The following NRP2 variants were observed in gnomAD, a reference collection of about 807,000 sequenced individuals.
NRP2 encodes neuropilin-2.
A neutral mutation model predicts 110.4 loss-of-function variants in NRP2; 52 were observed. That is an observed-to-expected ratio of 0.47 (90% CI 0.38 to 0.59). The LOEUF (loss-of-function observed/expected upper bound fraction) is 0.59. NRP2 is among the 20% of genes least tolerant of loss of function. The pLI is 0.00. For synonymous variants in NRP2, 508 were observed against 468.9 expected (o/e 1.08, Z -1.08); for missense variants, 1,049 against 1,203.0 (o/e 0.87, Z 1.89).
At chr2:205,760,143 A>T (rs1472272156) in intron 12 of NRP2, among the ~76,000 whole-genome samples, 1 of 152,180 alleles carries the variant, frequency 6.6e-6, no homozygotes, top group African/African-American at 2.4e-5. Flanking sequence ...ACATCAGGGG[A>T]GGCAGGTAAA....
chr2:205,762,222 T>A (rs116494480), intron 12 of NRP2: 2,181 of 152,328 alleles, frequency 0.014, 25 homozygotes, highest in Non-Finnish European at 0.024. Context: ...TAAACTGGTC[T>A]CATTTGACTT....
At chr2:205,775,779 G>A (rs530281718) in intron 15 of NRP2, among the ~76,000 whole-genome samples, 1 of 152,270 alleles carries the variant, frequency 6.6e-6, no homozygotes, top group Non-Finnish European at 1.5e-5. Context: ...ACTGAATCCC[G>A]GAAGTCATGT....
In NRP2 at chr2:205,706,081, C is replaced by T. The variant is rs539600563; in HGVS notation, c.251+8360C>T. On this transcript the variant is annotated intron_variant, in intron 2 of 16. Transcript: ENST00000357785. ...TACTCCCCCAATCCCCCCACAGCCCCGCTCACCATCCTCTTCAAATTCCCT... is the reference window on the plus strand; with the variant it reads ...TACTCCCCCAATCCCCCCACAGCCCTGCTCACCATCCTCTTCAAATTCCCT... Among the ~76,000 whole-genome samples the T allele has an allele frequency of 2.0e-4, 30 of 152,086 alleles. No individual in the cohort carries two copies. The South Asian group carries it at 2.7e-3, about 14-fold the overall frequency.
Position 205,797,107 on chromosome 2 carries a change from T to C in NRP2, c.*2049T>C, listed in dbSNP as rs1443510740. Reference sequence around the variant, plus strand: ...GGTCATGTGGGACTCAGTGGTGGTGTTGTGACTTTGACCTAGGGTCCGAGT... The same window carrying C: ...GGTCATGTGGGACTCAGTGGTGGTGCTGTGACTTTGACCTAGGGTCCGAGT... On this transcript the variant is annotated 3_prime_UTR_variant, in exon 17 of 17. Coordinates refer to ENST00000357785, the MANE Select transcript of NRP2 (RefSeq NM_003872.3). The C allele has an allele frequency of 6.6e-6, 1 of 152,670 alleles. No homozygotes were observed. The highest frequency in any genetic ancestry group is 1.5e-5 in the Non-Finnish European group (1 of 68,082). 9.5% of individuals were successfully genotyped at this position (152,670 alleles called of 1,614,324 possible). A position where few individuals can be genotyped will look rare whatever the true frequency, so the allele number is the denominator to read the frequency against.
At chr2:205,729,453 G>A (rs1478113690) in intron 7 of NRP2, among the ~76,000 whole-genome samples, 1 of 152,248 alleles carries the variant, frequency 6.6e-6, no homozygotes, top group African/African-American at 2.4e-5. Context: ...GGTGCCAGGA[G>A]CTTGGGGGCT....
chr2:205,715,221 A>G (rs2056870749), intron 2 of NRP2, among the ~76,000 whole-genome samples: 1 of 152,196 alleles, frequency 6.6e-6, no homozygotes, highest in Non-Finnish European at 1.5e-5. Flanking sequence ...GCCAGAGCAC[A>G]TACCGGGGCT....
At chr2:205,700,148 T>G (rs1045753055) in intron 2 of NRP2, among the ~76,000 whole-genome samples, 4 of 152,238 alleles carry the variant, frequency 2.6e-5, no homozygotes, top group Non-Finnish European at 5.9e-5. Context: ...ACAATTAATC[T>G]AATTGAAGTC....
chr2:205,753,808 T>G (rs1404754234), intron 12 of NRP2, among the ~76,000 whole-genome samples: 1 of 152,190 alleles, frequency 6.6e-6, no homozygotes, highest in African/African-American at 2.4e-5. Context: ...CAACACAACA[T>G]CAATGGAGAT....
At chr2:205,740,695 C>T in intron 8 of NRP2, 32 bp downstream of exon 8, 1 of 1,612,692 alleles carries the variant, frequency 6.2e-7, no homozygotes, top group South Asian at 1.1e-5. Flanking sequence ...GGTTGGGGTG[C>T]TGATTGAGCC....
At chr2:205,710,063 A>G (rs1000763218) in intron 2 of NRP2, among the ~76,000 whole-genome samples, 1 of 152,108 alleles carries the variant, frequency 6.6e-6, no homozygotes, top group Non-Finnish European at 1.5e-5. Flanking sequence ...AAACAGAACA[A>G]CTCAAAAGAG....
At chr2:205,779,890 T>C (rs1452143245) in intron 15 of NRP2, among the ~76,000 whole-genome samples, 2 of 152,234 alleles carry the variant, frequency 1.3e-5, no homozygotes, top group East Asian at 3.8e-4. Flanking sequence ...TTTATTTTTA[T>C]TACTGCTTGT....
intron 15 of NRP2, among the ~76,000 whole-genome samples, chr2:205,791,592 G>C (rs906351891): frequency 2.6e-5 from 4 of 152,190 alleles, no homozygotes; most frequent in South Asian, 2.1e-4. Flanking sequence ...ACTTAGCCTG[G>C]CTAGTCAGAT....
At position 205,743,649 on chromosome 2, in the gene NRP2, C is replaced by T. The variant is rs544616544; in HGVS notation, c.1641+97C>T. On this transcript the variant is annotated intron_variant, in intron 9 of 16. Transcript: ENST00000357785. ...ACTGATGATGTCCCATCTAAACAGT[C>T]GTCATCCAACTCCTGAAATCCAATA... is the stretch of plus-strand genomic sequence containing the variant. 5.0e-4 allele frequency: 761 copies of T among 1,519,620 alleles called. 3 individuals are homozygous for T. The highest frequency in any genetic ancestry group is 6.0e-5 in the Non-Finnish European group (68 of 1,131,668). The allele number at this position is 1,519,620 out of a possible 1,614,324, so 94.1% of individuals were successfully genotyped here.
intron 6 of NRP2, among the ~76,000 whole-genome samples, chr2:205,726,717 CA>C (rs995859379): frequency 2.6e-5 from 4 of 152,192 alleles, no homozygotes; most frequent in African/African-American, 9.7e-5. Context: ...AAGAAGTAAA[CA>C]GGGGGAAAGC....
At chr2:205,742,335 T>C (rs75644051) in intron 8 of NRP2, among the ~76,000 whole-genome samples, 1,583 of 152,264 alleles carry the variant, frequency 0.01, 23 homozygotes, top group African/African-American at 0.036. Context: ...AGGAACAAAA[T>C]AGATGGGGTC....
chr2:205,724,006 A>AG (rs1002608949), intron 5 of NRP2, 66 bp downstream of exon 5: 37 of 1,572,766 alleles, frequency 2.4e-5, no homozygotes, highest in Non-Finnish European at 3.1e-5. Context: ...GTACAGGTGA[A>AG]GGGGGGCTGA....
rs2057111630 is a variant in NRP2, at chr2:205,725,592, A to C, written c.821-321A>C. 6.6e-6 allele frequency among the ~76,000 whole-genome samples: 1 copy of C among 152,226 alleles called. No individual in the cohort carries two copies. ...TCTATCTCACATTTACCTGTATTGC[A>C]GTAATGGTGCATCTGGCATCTGTAG... On this transcript the variant is annotated intron_variant, in intron 5 of 16. Coordinates refer to ENST00000357785, the MANE Select transcript of NRP2 (RefSeq NM_003872.3). The surrounding 1 kb of genome is among the most constrained non-coding windows in gnomAD (Gnocchi z 4.1).
chr2:205,733,679 G>C (rs2057285566), intron 7 of NRP2, among the ~76,000 whole-genome samples: 2 of 152,002 alleles, frequency 1.3e-5, no homozygotes, highest in Admixed American at 6.5e-5. Context: ...ACCCCACCCA[G>C]CTAGAATGTC....
chr2:205,776,660 A>T, intron 15 of NRP2: 1 of 1,561,698 alleles, frequency 6.4e-7, no homozygotes, highest in South Asian at 1.2e-5. Context: ...CCCAACCCTG[A>T]GCACTCTTAT....
Sources: allele counts gnomAD v4.1 joint callset (sites outside exome capture counted in the v4.1 genomes callset), GRCh38; gene constraint gnomAD v4.1.1; non-coding constraint Gnocchi (gnomAD v3.1); transcripts MANE v1.5; gene names NCBI Gene and HGNC (gene_info 2026-07-23, HGNC 2026-07-21).